MYH10: variants seen among roughly 807,000 people sequenced by gnomAD.
MYH10 encodes the protein myosin-10.
MYH10 carries 55 observed loss-of-function variants against 257.8 expected under a neutral mutation model. That is an observed-to-expected ratio of 0.21 (90% CI 0.17 to 0.27). The LOEUF (loss-of-function observed/expected upper bound fraction) is 0.27, where lower values mean the gene tolerates loss of function less well. MYH10 is among the 10% of genes least tolerant of loss of function. The pLI is 1.00. For synonymous variants in MYH10, 854 were observed against 921.7 expected (o/e 0.93, Z 1.33); for missense variants, 1,631 against 2,500.6 (o/e 0.65, Z 7.42).
intron 2 of MYH10, among the ~76,000 whole-genome samples, chr17:8,614,531 C>G (rs970415087): frequency 6.6e-6 from 1 of 151,922 alleles, no homozygotes; most frequent in African/African-American, 2.4e-5. Context: ...TTTGGCCAGG[C>G]TGGTCTTGAC....
chr17:8,493,036 GTA>G lies in MYH10; in HGVS notation c.4210-14_4210-13del, dbSNP rs1916023895. 1 of 1,611,084 alleles carries G rather than the reference GTA, an allele frequency of 6.2e-7. No homozygotes were observed. Among genetic ancestry groups the G allele is most frequent in the Non-Finnish European group, 8.5e-7 (1 of 1,179,078 alleles). ...TTGGTATCAGCCAACTAGGTTTTGTGTACGGACAAACAGAAAGCTCAGTATTA... is the reference window on the plus strand; with the variant it reads ...TTGGTATCAGCCAACTAGGTTTTGTGCGGACAAACAGAAAGCTCAGTATTA... On this transcript the variant is annotated splice_polypyrimidine_tract_variant and intron_variant, in intron 32 of 42. Coordinates refer to ENST00000360416, the MANE Select transcript of MYH10 (RefSeq NM_001256012.3).
intron 7 of MYH10, among the ~76,000 whole-genome samples, chr17:8,564,900 G>A (rs1045845370): frequency 6.6e-6 from 1 of 152,164 alleles, no homozygotes; most frequent in Admixed American, 6.5e-5. Context: ...CTCAGATATG[G>A]TTTTAGACTA....
In MYH10 at chr17:8,629,555, G is replaced by A. The variant is rs539101788; in HGVS notation, c.-32+1099C>T. Among the ~76,000 whole-genome samples, 9 of 152,016 alleles carry A rather than the reference G, an allele frequency of 5.9e-5. No homozygotes were observed. In the East Asian group the frequency reaches 9.7e-4, roughly 16 times the overall value. On this transcript the variant is annotated intron_variant, in intron 1 of 42. Coordinates refer to ENST00000360416, the MANE Select transcript of MYH10 (RefSeq NM_001256012.3). ...CCTCCCGCTTCCCAGGGCCGCATCCGCCCACCACAGGCCCACAAAGCCCCC... is the reference window on the plus strand; with the variant it reads ...CCTCCCGCTTCCCAGGGCCGCATCCACCCACCACAGGCCCACAAAGCCCCC...
chr17:8,524,672 G>C (rs986480458), intron 17 of MYH10, among the ~76,000 whole-genome samples: 2 of 152,012 alleles, frequency 1.3e-5, no homozygotes, highest in Non-Finnish European at 2.9e-5. Context: ...TCCTGCTTCT[G>C]ACCTGGATCC....
At chr17:8,617,178 C>T (rs1208271763) in intron 2 of MYH10, among the ~76,000 whole-genome samples, 1 of 152,108 alleles carries the variant, frequency 6.6e-6, no homozygotes, top group Non-Finnish European at 1.5e-5. Context: ...TGGCTTCAAA[C>T]TGAGTTCAAC....
Position 8,490,606 on chromosome 17 carries a change from G to A in MYH10, c.4672-54C>T. The A allele has an allele frequency of 7.7e-6, 12 of 1,563,134 alleles. No homozygotes were observed. In the South Asian group the frequency reaches 1.0e-4, roughly 13 times the overall value. On this transcript the variant is annotated intron_variant, in intron 34 of 42. Transcript: ENST00000360416. The surrounding 1 kb of genome is among the most constrained non-coding windows in gnomAD (Gnocchi z 4.1). ...TGACCGGGGTGGAGGCACATATGAA[G>A]AACAGCAGTCTTACTGTTTTACAGG...
rs1896203300 is a variant in MYH10 at position 8,490,646 on chromosome 17, G to T, written c.4672-94C>A. On this transcript the variant is annotated intron_variant, in intron 34 of 42. Coordinates refer to ENST00000360416, the MANE Select transcript of MYH10 (RefSeq NM_001256012.3). The surrounding 1 kb of genome is among the most constrained non-coding windows in gnomAD (Gnocchi z 4.1). The stretch of plus-strand genomic sequence containing the variant: ...TGTTTTACAGGCCCACTCGTGGCAT[G>T]CTGGCCACTTTGGTCCCCCTGGGCC... The T allele has an allele frequency of 9.1e-6, 12 of 1,323,474 alleles. No individual in the cohort carries two copies. The highest frequency in any genetic ancestry group is 2.3e-4 in the Middle Eastern group (1 of 4,396). 82.0% of individuals were successfully genotyped at this position (1,323,474 alleles called of 1,614,324 possible).
At chr17:8,493,978 C>G (rs1173739977) in intron 31 of MYH10, 93 bp from the exon 32 acceptor site, 6 of 1,390,446 alleles carry the variant, frequency 4.3e-6, no homozygotes, top group African/African-American at 1.4e-5. Flanking sequence ...ACAAAAGAGA[C>G]AGCCTCAATG....
intron 9 of MYH10, among the ~76,000 whole-genome samples, chr17:8,550,584 C>T (rs2082606282): frequency 6.6e-6 from 1 of 151,992 alleles, no homozygotes; most frequent in South Asian, 2.1e-4. Flanking sequence ...TGCCTGGCCG[C>T]CCCTACTGGG....
chr17:8,487,712 T>C lies in MYH10; in HGVS notation c.4885-118A>G, dbSNP rs532315110. The C allele has an allele frequency of 3.1e-4, 349 of 1,138,188 alleles. 1 individual carries two copies. In the African/African-American group the frequency reaches 5.0e-3, roughly 16 times the overall value. The allele number at this position is 1,138,188 out of a possible 1,614,324, so 70.5% of individuals were successfully genotyped here. A position where few individuals can be genotyped will look rare whatever the true frequency, so the allele number is the denominator to read the frequency against. On this transcript the variant is annotated intron_variant, in intron 35 of 42. Coordinates refer to ENST00000360416, the MANE Select transcript of MYH10 (RefSeq NM_001256012.3). ...GGGTGAGTGGAAACTTCTGTTACTC[T>C]GTAGAGGTCTCTGTTACCAAACAGT...
chr17:8,605,093 T>C (rs1454684098), intron 2 of MYH10, 111 bp from the exon 3 acceptor site: 1 of 549,272 alleles, frequency 1.8e-6, no homozygotes, highest in East Asian at 3.3e-5. Flanking sequence ...ATCTTTACCT[T>C]TTGGATAATT....
intron 3 of MYH10, among the ~76,000 whole-genome samples, chr17:8,596,021 A>T (rs1408494089): frequency 6.6e-6 from 1 of 151,664 alleles, no homozygotes; most frequent in Non-Finnish European, 1.5e-5. Flanking sequence ...TACTTTTATT[A>T]TTTTGCTACT....
At position 8,609,196 on chromosome 17, in the gene MYH10, G is replaced by A. The variant is rs541417760; in HGVS notation, c.346-4214C>T. Among the ~76,000 whole-genome samples, 10 of 152,290 alleles carry A rather than the reference G, an allele frequency of 6.6e-5. No homozygotes were observed. In the South Asian group the frequency reaches 1.0e-3, roughly 16 times the overall value. On this transcript the variant is annotated intron_variant, in intron 2 of 42. Coordinates refer to ENST00000360416, the MANE Select transcript of MYH10 (RefSeq NM_001256012.3). ...ATATGCATTGTTTCATAGGTTCAAA[G>A]GATTAGAGAAACAGGAAGTGTAGGC...
At chr17:8,561,893 G>C (rs953733105) in intron 7 of MYH10, among the ~76,000 whole-genome samples, 4 of 152,138 alleles carry the variant, frequency 2.6e-5, no homozygotes, top group African/African-American at 9.7e-5. Context: ...AAAGAGCAGT[G>C]AAAGAAGAGA....
chr17:8,592,816 GAAAAAAAAAAAAA>G (rs67151329), intron 3 of MYH10, among the ~76,000 whole-genome samples: 1 of 30,418 alleles, frequency 3.3e-5, no homozygotes, highest in African/African-American at 1.2e-4. Flanking sequence ...AATGAAATCA[GAAAAAAAAAAAAA>G]AAAAAAAAAA....
chr17:8,481,833 C>G (rs757189323), intron 37 of MYH10, among the ~76,000 whole-genome samples: 3 of 152,268 alleles, frequency 2.0e-5, no homozygotes, highest in Non-Finnish European at 4.4e-5. Flanking sequence ...AGGACGCTGG[C>G]TGCACAGACC....
intron 7 of MYH10, among the ~76,000 whole-genome samples, chr17:8,564,926 G>A (rs1031340424): frequency 1.3e-5 from 2 of 152,178 alleles, no homozygotes; most frequent in Admixed American, 6.5e-5. Context: ...CTAGTTAGGA[G>A]AAGAAATGTG....
chr17:8,495,249 GAGC>G lies in MYH10; in HGVS notation c.3952-11_3952-9del. ...GACATTATCTAGCTCATTCTGTAAG[GAGC>G]AGAAGATTAAATTCAACTCAATAGT... On this transcript the variant is annotated splice_polypyrimidine_tract_variant and intron_variant, in intron 30 of 42. Transcript: ENST00000360416. 6.5e-7 allele frequency: 1 copy of G among 1,549,236 alleles called. No individual in the cohort carries two copies. The highest frequency in any genetic ancestry group is 8.9e-7 in the Non-Finnish European group (1 of 1,122,188).
At chr17:8,487,059 A>C (rs778229206) in intron 36 of MYH10, among the ~76,000 whole-genome samples, 4 of 152,190 alleles carry the variant, frequency 2.6e-5, no homozygotes, top group Non-Finnish European at 5.9e-5. Context: ...GGTAATGAAA[A>C]CTGGCACATC....
Sources: gnomAD v4.1 joint callset for allele counts (sites outside exome capture counted in the v4.1 genomes callset) on GRCh38, gnomAD v4.1.1 for gene constraint, Gnocchi (gnomAD v3.1) non-coding constraint, MANE v1.5 for transcripts, NCBI Gene and HGNC (gene_info 2026-07-23, HGNC 2026-07-21) for gene names.